CNTNAP4: variants seen among roughly 807,000 people sequenced by gnomAD.
CNTNAP4 encodes the protein contactin associated protein family member 4.
CNTNAP4 carries 98 observed loss-of-function variants against 148.4 expected under a neutral mutation model. That is an observed-to-expected ratio of 0.66 (90% CI 0.56 to 0.78). The LOEUF (loss-of-function observed/expected upper bound fraction) is 0.78. Among genes scored for constraint, CNTNAP4 ranks in the 30% least tolerant of loss-of-function variants. The probability of loss-of-function intolerance (pLI) is 0.00; values close to 1 mark genes in which losing one functional copy is unlikely to be tolerated. For missense variants in CNTNAP4, 1,935 were observed against 1,565.6 expected (o/e 1.24, Z -3.98); for synonymous variants, 730 against 565.1 (o/e 1.29, Z -4.14).
At chr16:76,337,961 T>A (rs1451899161) in intron 2 of CNTNAP4, among the ~76,000 whole-genome samples, 2 of 152,220 alleles carry the variant, frequency 1.3e-5, no homozygotes, top group Admixed American at 6.5e-5. Flanking sequence ...TCTATTCTTT[T>A]TCAGGGTGCC....
chr16:76,427,371 T>A (rs1447280071), intron 3 of CNTNAP4, 81 bp from the exon 4 acceptor site: 1 of 1,188,364 alleles, frequency 8.4e-7, no homozygotes, highest in African/African-American at 1.5e-5. Context: ...AGATCACACA[T>A]TGCTAATAGA....
At chr16:76,328,951 A>G (rs1416102468) in intron 2 of CNTNAP4, among the ~76,000 whole-genome samples, 1 of 152,196 alleles carries the variant, frequency 6.6e-6, no homozygotes, top group Non-Finnish European at 1.5e-5. Context: ...TAAGGTATTA[A>G]TAGGACAGGG....
chr16:76,334,318 G>C (rs1229968560), intron 2 of CNTNAP4, among the ~76,000 whole-genome samples: 1 of 151,912 alleles, frequency 6.6e-6, no homozygotes, highest in African/African-American at 2.4e-5. Flanking sequence ...AAGCCAAAAT[G>C]AAACAAAAGC....
At chr16:76,482,684 C>G (rs1004361321) in intron 12 of CNTNAP4, among the ~76,000 whole-genome samples, 20 of 152,172 alleles carry the variant, frequency 1.3e-4, no homozygotes, top group Non-Finnish European at 1.6e-4. Flanking sequence ...GACATTGCCT[C>G]ATACACCAAA....
intron 3 of CNTNAP4, among the ~76,000 whole-genome samples, chr16:76,368,190 G>A (rs1352127626): frequency 6.6e-6 from 1 of 152,120 alleles, no homozygotes; most frequent in Non-Finnish European, 1.5e-5. Flanking sequence ...AATGTTGCAA[G>A]AAGGATTTGG....
Position 76,522,101 on chromosome 16 carries a change from T to C in CNTNAP4, c.2599T>C (p.Ser867Pro). ...TGGGCCTTTTGAAATCTCAGTGCAG[T>C]CACCCACCCACTTCAACGACAACCA... ...GNGPFEISVQ[S>P]PTHFNDNQWH... Residue 867 changes from serine (S) to proline (P), a missense_variant, in exon 17 of 24, where the codon TCA (serine) becomes CCA (proline). By Grantham distance (74) the Ser-to-Pro change is moderately conservative (BLOSUM62 -1). Coordinates refer to ENST00000611870, the MANE Select transcript of CNTNAP4 (RefSeq NM_033401.5). The C allele has an allele frequency of 6.2e-7, 1 of 1,613,914 alleles. No individual in the cohort carries two copies. The highest frequency in any genetic ancestry group is 8.5e-7 in the Non-Finnish European group (1 of 1,179,848).
chr16:76,438,206 C>T (rs2079905823), intron 4 of CNTNAP4, among the ~76,000 whole-genome samples: 1 of 152,092 alleles, frequency 6.6e-6, no homozygotes, highest in Non-Finnish European at 1.5e-5. Context: ...GAGCAAGGGT[C>T]CGTGCTCCTG....
intron 15 of CNTNAP4, among the ~76,000 whole-genome samples, chr16:76,502,425 A>G (rs961818324): frequency 1.3e-4 from 19 of 151,396 alleles, no homozygotes; most frequent in Non-Finnish European, 2.5e-4. Flanking sequence ...ATATAGGACT[A>G]ACAGATAGAG....
At chr16:76,288,175 T>C (rs1958964281) in intron 1 of CNTNAP4, among the ~76,000 whole-genome samples, 1 of 152,030 alleles carries the variant, frequency 6.6e-6, no homozygotes, top group African/African-American at 2.4e-5. Flanking sequence ...ATAGGAGGCT[T>C]TCCCCTTCAC....
chr16:76,415,685 G>C (rs1319015514), intron 3 of CNTNAP4, among the ~76,000 whole-genome samples: 2 of 150,886 alleles, frequency 1.3e-5, no homozygotes, highest in Non-Finnish European at 3.0e-5. Context: ...TCACCCAACA[G>C]TTCCTTCATG....
intron 14 of CNTNAP4, among the ~76,000 whole-genome samples, chr16:76,495,835 AT>A (rs2082383524): frequency 6.6e-6 from 1 of 152,110 alleles, no homozygotes; most frequent in Admixed American, 6.6e-5. Context: ...TCTGGATGTA[AT>A]ATGAGTGATT....
rs199509550 is a variant in CNTNAP4, at chr16:76,420,678, AAAC to A, written c.391-6755_391-6753del. Among the ~76,000 whole-genome samples, 7 of 151,780 alleles carry A rather than the reference AAAC, an allele frequency of 4.6e-5. No individual in the cohort carries two copies. The South Asian group carries it at 1.0e-3, about 23-fold the overall frequency. On this transcript the variant is annotated intron_variant, in intron 3 of 23. Coordinates refer to ENST00000611870, the MANE Select transcript of CNTNAP4 (RefSeq NM_033401.5). ...AAGCTGCTCATAAAACCATGACCAA[AAAC>A]AACAACAACAACAACAACGAAACTA...
intron 3 of CNTNAP4, among the ~76,000 whole-genome samples, chr16:76,416,264 C>G (rs1239089834): frequency 6.6e-6 from 1 of 150,994 alleles, no homozygotes; most frequent in African/African-American, 2.4e-5. Flanking sequence ...CAATTTTATT[C>G]TTTGTGCTCT....
chr16:76,542,688 T>C (rs2144310889), intron 21 of CNTNAP4, among the ~76,000 whole-genome samples: 1 of 152,306 alleles, frequency 6.6e-6, no homozygotes, highest in Non-Finnish European at 1.5e-5. Context: ...AAGACTCAGC[T>C]CCTTATTCTG....
At chr16:76,511,467 G>A (rs919961563) in intron 15 of CNTNAP4, among the ~76,000 whole-genome samples, 1 of 152,084 alleles carries the variant, frequency 6.6e-6, no homozygotes, top group African/African-American at 2.4e-5. Flanking sequence ...TAGTGATTTG[G>A]TTAATTTCTC....
At chr16:76,401,075 A>G (rs2078399066) in intron 3 of CNTNAP4, among the ~76,000 whole-genome samples, 1 of 152,130 alleles carries the variant, frequency 6.6e-6, no homozygotes, top group Non-Finnish European at 1.5e-5. Context: ...TTCTGTGAAG[A>G]ATGTCATTGG....
chr16:76,461,911 G>C (rs1597619611), intron 8 of CNTNAP4, 45 bp from the exon 9 acceptor site: 3 of 1,578,232 alleles, frequency 1.9e-6, no homozygotes, highest in Non-Finnish European at 2.6e-6. Flanking sequence ...ACTCCTTATA[G>C]TGTTCACTAT....
chr16:76,525,304 G>A (rs1254136296), intron 17 of CNTNAP4, among the ~76,000 whole-genome samples: 4 of 151,352 alleles, frequency 2.6e-5, no homozygotes, highest in African/African-American at 9.7e-5. Context: ...AAAATCAGTA[G>A]TAATTAGAGC....
chr16:76,361,811 A>G (rs1009765320), intron 3 of CNTNAP4, among the ~76,000 whole-genome samples: 6 of 152,114 alleles, frequency 3.9e-5, no homozygotes, highest in African/African-American at 1.2e-4. Context: ...GATTTCTCCA[A>G]TTTCTTGTCA....
Sources: gnomAD v4.1 joint callset for allele counts (sites outside exome capture counted in the v4.1 genomes callset) on GRCh38, gnomAD v4.1.1 for gene constraint, MANE v1.5 for transcripts, NCBI Gene and HGNC (gene_info 2026-07-23, HGNC 2026-07-21) for gene names.